FAM135B: variants seen among roughly 807,000 people sequenced by gnomAD.
FAM135B encodes protein FAM135B.
Under a neutral mutation model 127.7 loss-of-function variants are expected in FAM135B, and 43 were observed. The ratio of observed to expected loss-of-function variants is 0.34; its 90% CI spans 0.26 to 0.43. The LOEUF (loss-of-function observed/expected upper bound fraction) is 0.43. Among genes scored for constraint, FAM135B ranks in the 20% least tolerant of loss-of-function variants. The pLI, the probability that FAM135B is intolerant of heterozygous loss-of-function variation, is 1.00. For synonymous variants in FAM135B, 670 were observed against 665.1 expected (o/e 1.01, Z -0.11); for missense variants, 1,558 against 1,725.6 (o/e 0.90, Z 1.72).
At chr8:138,156,086 A>C (rs1001880653) in intron 12 of FAM135B, among the ~76,000 whole-genome samples, 1 of 152,228 alleles carries the variant, frequency 6.6e-6, no homozygotes, top group African/African-American at 2.4e-5. Context: ...CAGAAATTAT[A>C]ACAAACTGTC....
At chr8:138,214,200 T>C (rs1818365579) in intron 7 of FAM135B, among the ~76,000 whole-genome samples, 1 of 152,212 alleles carries the variant, frequency 6.6e-6, no homozygotes, top group South Asian at 2.1e-4. Context: ...TCTTGGGAAC[T>C]GCTCTGCCAT....
chr8:138,167,585 T>A (rs1820050693), intron 12 of FAM135B, among the ~76,000 whole-genome samples: 2 of 152,208 alleles, frequency 1.3e-5, no homozygotes, highest in African/African-American at 4.8e-5. Flanking sequence ...CTGACTTTCA[T>A]GTCACTCTGG....
intron 2 of FAM135B, among the ~76,000 whole-genome samples, chr8:138,366,768 G>A (rs181736663): frequency 1.7e-4 from 26 of 152,282 alleles, no homozygotes; most frequent in Admixed American, 1.6e-3. Flanking sequence ...AATGTACATT[G>A]AGTCTTAGTC....
intron 1 of FAM135B, among the ~76,000 whole-genome samples, chr8:138,480,062 T>A (rs965653149): frequency 3.9e-5 from 6 of 152,210 alleles, no homozygotes; most frequent in Non-Finnish European, 7.3e-5. Flanking sequence ...CTGGCAGGAC[T>A]GGGTCAGTAA....
In FAM135B at chr8:138,241,295, G is replaced by A. The variant is rs556009930; in HGVS notation, c.669+1647C>T. Among the ~76,000 whole-genome samples, 65 of 152,310 alleles carry A rather than the reference G, an allele frequency of 4.3e-4. No homozygotes were observed. The highest frequency in any genetic ancestry group is 1.6e-3 in the African/African-American group (65 of 41,572). On this transcript the variant is annotated intron_variant, in intron 7 of 19. Coordinates refer to ENST00000395297, the MANE Select transcript of FAM135B (RefSeq NM_015912.4). This position sits in a 1 kb window ranked among gnomAD's most constrained non-coding sequence, Gnocchi z 4.8. The stretch of plus-strand genomic sequence containing the variant: ...CAGTGCTAAGGACGTCAGGTTCTGA[G>A]AAGCTCAGTGGTTGACTGAAGTTCT...
At chr8:138,332,981 G>GCA (rs111383005) in intron 2 of FAM135B, among the ~76,000 whole-genome samples, 3 of 147,330 alleles carry the variant, frequency 2.0e-5, no homozygotes, top group South Asian at 2.1e-4. Flanking sequence ...GATTTGGAAA[G>GCA]CGCACACACA....
chr8:138,354,652 C>G (rs1195762773), intron 2 of FAM135B, among the ~76,000 whole-genome samples: 3 of 152,052 alleles, frequency 2.0e-5, no homozygotes, highest in Non-Finnish European at 4.4e-5. Context: ...TTGCTCTGCC[C>G]AGAATTCTTA....
At chr8:138,376,072 C>T (rs1039474309) in intron 1 of FAM135B, among the ~76,000 whole-genome samples, 1 of 152,148 alleles carries the variant, frequency 6.6e-6, no homozygotes, top group East Asian at 1.9e-4. Context: ...CGGCTCACTG[C>T]AACCTCCGCC....
At chr8:138,278,771 C>T (rs1031644252) in intron 3 of FAM135B, among the ~76,000 whole-genome samples, 2 of 151,652 alleles carry the variant, frequency 1.3e-5, no homozygotes, top group African/African-American at 4.8e-5. Flanking sequence ...GCCACGTTGG[C>T]CAGTCTGGAG....
intron 2 of FAM135B, among the ~76,000 whole-genome samples, chr8:138,318,857 T>TAAA (rs1170493872): frequency 6.6e-6 from 1 of 152,212 alleles, no homozygotes; most frequent in East Asian, 1.9e-4. Context: ...CTGTCCTGAT[T>TAAA]AAACAGAATG....
intron 2 of FAM135B, among the ~76,000 whole-genome samples, chr8:138,338,270 A>G (rs913110174): frequency 6.6e-6 from 1 of 150,870 alleles, no homozygotes; most frequent in South Asian, 2.1e-4. Flanking sequence ...GGTTCTAATT[A>G]AACTAAAGAG....
chr8:138,204,384 T>C (rs554111421), intron 7 of FAM135B, among the ~76,000 whole-genome samples: 2 of 152,304 alleles, frequency 1.3e-5, no homozygotes, highest in East Asian at 3.9e-4. Flanking sequence ...ATTCCAATAC[T>C]CCCTGAACAC....
intron 12 of FAM135B, among the ~76,000 whole-genome samples, chr8:138,157,076 C>A (rs1194971955): frequency 6.6e-6 from 1 of 152,214 alleles, no homozygotes; most frequent in Admixed American, 6.5e-5. Flanking sequence ...AATCCAGCAG[C>A]ACATCAAAAA....
chr8:138,361,260 G>A (rs1450070332), intron 2 of FAM135B, among the ~76,000 whole-genome samples: 1 of 152,126 alleles, frequency 6.6e-6, no homozygotes, highest in South Asian at 2.1e-4. Context: ...CCCAGCTGAT[G>A]GGGATGCTGC....
intron 1 of FAM135B, among the ~76,000 whole-genome samples, chr8:138,429,726 C>T (rs1835093175): frequency 6.6e-6 from 1 of 152,158 alleles, no homozygotes; most frequent in African/African-American, 2.4e-5. Context: ...ACAGCAGAGG[C>T]AGAGATGTTG....
At chr8:138,231,355 C>T (rs565290583) in intron 7 of FAM135B, among the ~76,000 whole-genome samples, 5 of 152,194 alleles carry the variant, frequency 3.3e-5, no homozygotes, top group African/African-American at 1.2e-4. Context: ...TTGTAAACTC[C>T]GTGAGAGTAG....
chr8:138,426,971 T>C (rs921153577), intron 1 of FAM135B, among the ~76,000 whole-genome samples: 3 of 152,012 alleles, frequency 2.0e-5, no homozygotes, highest in Admixed American at 6.6e-5. Context: ...TATGATATAA[T>C]AGAATAAAAT....
chr8:138,148,791 G>T, intron 13 of FAM135B, 105 bp from the exon 14 acceptor site: 1 of 745,820 alleles, frequency 1.3e-6, no homozygotes, highest in Non-Finnish European at 2.1e-6. Flanking sequence ...CAAGCAAAGT[G>T]CCTGCTGAGT....
chr8:138,339,706 T>C (rs1270842294), intron 2 of FAM135B, among the ~76,000 whole-genome samples: 1 of 152,180 alleles, frequency 6.6e-6, no homozygotes, highest in Non-Finnish European at 1.5e-5. Flanking sequence ...ATCACAGAGT[T>C]AAAGTGCTAG....
Sources: allele counts gnomAD v4.1 joint callset (sites outside exome capture counted in the v4.1 genomes callset), GRCh38; gene constraint gnomAD v4.1.1; non-coding constraint Gnocchi (gnomAD v3.1); transcripts MANE v1.5; gene names NCBI Gene and HGNC (gene_info 2026-07-23, HGNC 2026-07-21).